Variants in MACROD2 observed in about 807,000 individuals in gnomAD.
MACROD2 encodes the protein ADP-ribose glycohydrolase MACROD2.
MACROD2 carries 36 observed loss-of-function variants against 70.4 expected under a neutral mutation model. The observed-to-expected ratio is 0.51, with a 90% CI of 0.39 to 0.68. MACROD2 has a LOEUF of 0.68. Among genes scored for constraint, MACROD2 ranks in the 30% least tolerant of loss-of-function variants. MACROD2 has a pLI of 0.00. For synonymous variants in MACROD2, 172 were observed against 178.8 expected, an observed-to-expected ratio of 0.96 and a Z score of 0.30; for missense variants, 496 against 538.4, an observed-to-expected ratio of 0.92 and a Z score of 0.78.
intron 8 of MACROD2, among the ~76,000 whole-genome samples, chr20:15,702,330 A>AT (rs2050472159): frequency 6.6e-6 from 1 of 151,998 alleles, no homozygotes; most frequent in South Asian, 2.1e-4. Flanking sequence ...AGCACTTGTT[A>AT]TTTTTTTAAG....
chr20:15,766,252 A>G (rs369259446), intron 8 of MACROD2, among the ~76,000 whole-genome samples: 140 of 152,262 alleles, frequency 9.2e-4, no homozygotes, highest in African/African-American at 2.9e-3. Context: ...CTCATCATTT[A>G]ATGCTTAGTA....
chr20:14,560,042 A>G (rs1015718257), intron 4 of MACROD2, among the ~76,000 whole-genome samples: 3 of 151,814 alleles, frequency 2.0e-5, no homozygotes, highest in Non-Finnish European at 4.4e-5. Context: ...ATATTTAAGT[A>G]TTCAAGCTCT....
chr20:14,770,824 A>G (rs923760171), intron 5 of MACROD2, among the ~76,000 whole-genome samples: 4 of 151,908 alleles, frequency 2.6e-5, no homozygotes, highest in Non-Finnish European at 4.4e-5. Flanking sequence ...CCTGTGGTAG[A>G]TCTGGGATTT....
chr20:15,396,296 C>T (rs1456799887), intron 6 of MACROD2, among the ~76,000 whole-genome samples: 1 of 152,156 alleles, frequency 6.6e-6, no homozygotes, highest in East Asian at 1.9e-4. Flanking sequence ...CTTTGAGCTC[C>T]CTAGTAGCTC....
chr20:15,304,669 C>A (rs2077678892), intron 6 of MACROD2, among the ~76,000 whole-genome samples: 1 of 152,154 alleles, frequency 6.6e-6, no homozygotes, highest in African/African-American at 2.4e-5. Context: ...AGGACTGGCT[C>A]TCTAGCTCAC....
intron 5 of MACROD2, among the ~76,000 whole-genome samples, chr20:14,825,255 A>G (rs1403821025): frequency 6.6e-6 from 1 of 152,070 alleles, no homozygotes; most frequent in Non-Finnish European, 1.5e-5. Flanking sequence ...GATGCCTAGC[A>G]GTGAGAGCCG....
intron 2 of MACROD2, among the ~76,000 whole-genome samples, chr20:14,003,337 T>G (rs1443195557): frequency 6.6e-6 from 1 of 152,190 alleles, no homozygotes; most frequent in Non-Finnish European, 1.5e-5. Context: ...TTTGTTTTTC[T>G]AGAAAGGCAA....
At chr20:13,997,643 C>T (rs11699840) in intron 1 of MACROD2, among the ~76,000 whole-genome samples, 26,619 of 152,028 alleles carry the variant, frequency 0.18, 2,551 homozygotes, top group Admixed American at 0.23. Flanking sequence ...TTCTTTTCTT[C>T]TAATAATGGA....
chr20:15,209,115 G>GTGGTATT lies in MACROD2; in HGVS notation c.419-20824_419-20823insGGTATTT, dbSNP rs368782146. On this transcript the variant is annotated intron_variant, in intron 5 of 17. Transcript: ENST00000684519. ...GGTGGTGGTGGTGGTGGTGGTGGTG[G>GTGGTATT]TATTTATTTATTTATTTATTTATTT... Among the ~76,000 whole-genome samples, 47 of 147,178 alleles carry GTGGTATT rather than the reference G, an allele frequency of 3.2e-4. No homozygotes were observed. In the East Asian group the frequency reaches 4.3e-3, roughly 14 times the overall value.
chr20:15,352,451 A>G (rs908384236), intron 6 of MACROD2, among the ~76,000 whole-genome samples: 2 of 152,188 alleles, frequency 1.3e-5, no homozygotes, highest in African/African-American at 4.8e-5. Flanking sequence ...ATCTATATAT[A>G]TATTCCAAAG....
intron 5 of MACROD2, among the ~76,000 whole-genome samples, chr20:14,859,830 T>C (rs1031904864): frequency 7.9e-5 from 12 of 152,154 alleles, no homozygotes; most frequent in African/African-American, 2.9e-4. Context: ...GCAATAATTG[T>C]CATTCTCAGT....
chr20:14,729,787 G>T (rs952079429), intron 5 of MACROD2, among the ~76,000 whole-genome samples: 1 of 151,754 alleles, frequency 6.6e-6, no homozygotes, highest in Non-Finnish European at 1.5e-5. Context: ...AACTCAGTAT[G>T]AAAAAAAGCA....
chr20:14,880,191 A>G (rs2073595225), intron 5 of MACROD2, among the ~76,000 whole-genome samples: 1 of 152,180 alleles, frequency 6.6e-6, no homozygotes, highest in Non-Finnish European at 1.5e-5. Flanking sequence ...TGTTGCCATC[A>G]TGAGAAAAGA....
At chr20:15,851,991 GTC>G (rs1385986716) in intron 8 of MACROD2, among the ~76,000 whole-genome samples, 1 of 152,158 alleles carries the variant, frequency 6.6e-6, no homozygotes, top group Non-Finnish European at 1.5e-5. Context: ...TTTCCCCTCA[GTC>G]TCTCCCAGGA....
chr20:15,562,674 AG>A lies in MACROD2; in HGVS notation c.645+62830del, dbSNP rs141953403. 7.6e-3 allele frequency among the ~76,000 whole-genome samples: 1,159 copies of A among 152,364 alleles called. 18 individuals carry two copies. The highest frequency in any genetic ancestry group is 0.026 in the African/African-American group (1,099 of 41,578). ...TCTTTAATCATTGGGATGATTACTT[AG>A]GGCATGCTTTAATGAAGGACCACTT... On this transcript the variant is annotated intron_variant, in intron 8 of 17. Coordinates refer to ENST00000684519, the MANE Select transcript of MACROD2 (RefSeq NM_001351661.2).
intron 4 of MACROD2, among the ~76,000 whole-genome samples, chr20:14,595,517 GTCTCAATAACATAGCTT>G (rs1982068666): frequency 6.6e-6 from 1 of 152,146 alleles, no homozygotes; most frequent in Non-Finnish European, 1.5e-5. Flanking sequence ...ACACTTGGCT[GTCTCAATAACATAGCTT>G]TCTACTCTGT....
chr20:15,888,100 C>T (rs2147214229), intron 10 of MACROD2, among the ~76,000 whole-genome samples: 1 of 152,226 alleles, frequency 6.6e-6, no homozygotes, highest in Admixed American at 6.5e-5. Context: ...GTGATACTTA[C>T]TAAAATCATC....
Position 15,089,583 on chromosome 20 carries a change from C to T in MACROD2, c.419-140357C>T, listed in dbSNP as rs140772386. ...ACGTATAGCATAATGTATTTTATGCCCATGGCCCAAAGCAAAAGGTCTCCT... is the reference window on the plus strand; with the variant it reads ...ACGTATAGCATAATGTATTTTATGCTCATGGCCCAAAGCAAAAGGTCTCCT... On this transcript the variant is annotated intron_variant, in intron 5 of 17. Transcript: ENST00000684519. Among the ~76,000 whole-genome samples the T allele has an allele frequency of 1.6e-4, 24 of 151,986 alleles. No individual in the cohort carries two copies. The East Asian group carries it at 4.5e-3, about 28-fold the overall frequency.
intron 5 of MACROD2, among the ~76,000 whole-genome samples, chr20:14,885,370 A>C (rs2073661174): frequency 6.6e-6 from 1 of 152,108 alleles, no homozygotes; most frequent in African/African-American, 2.4e-5. Flanking sequence ...ATAAATACCA[A>C]TTACAAAGTC....
Sources: allele counts gnomAD v4.1 joint callset (sites outside exome capture counted in the v4.1 genomes callset), GRCh38; gene constraint gnomAD v4.1.1; transcripts MANE v1.5; gene names NCBI Gene and HGNC (gene_info 2026-07-23, HGNC 2026-07-21).